The following SSBP3 variants were observed in gnomAD, a reference collection of about 807,000 sequenced individuals.
SSBP3 encodes single stranded DNA binding protein 3, also known as single-stranded DNA-binding protein 3.
Under a neutral mutation model 69.6 loss-of-function variants are expected in SSBP3, and 5 were observed. The ratio of observed to expected loss-of-function variants is 0.07; its 90% CI spans 0.04 to 0.15. The LOEUF is 0.15. SSBP3 is among the 10% of genes least tolerant of loss of function. SSBP3 has a pLI of 1.00. For missense variants in SSBP3, 312 were observed against 534.0 expected (o/e 0.58, Z 4.10); for synonymous variants, 196 against 193.4 (o/e 1.01, Z -0.11).
chr1:54,338,942 G>C (rs1646558989), intron 4 of SSBP3, among the ~76,000 whole-genome samples: 1 of 152,152 alleles, frequency 6.6e-6, no homozygotes, highest in Non-Finnish European at 1.5e-5. Flanking sequence ...TCCCCAAATA[G>C]GATGCACGAG....
intron 4 of SSBP3, among the ~76,000 whole-genome samples, chr1:54,336,877 C>G (rs965243586): frequency 2.6e-5 from 4 of 152,200 alleles, no homozygotes; most frequent in Non-Finnish European, 4.4e-5. Context: ...AGCCAGCTCC[C>G]CAAGGACAGG....
intron 4 of SSBP3, among the ~76,000 whole-genome samples, chr1:54,327,862 G>C (rs10888846): frequency 0.29 from 44,022 of 152,024 alleles, 9,412 homozygotes; most frequent in African/African-American, 0.58. Flanking sequence ...TCCCAGGCAC[G>C]CTCTAGCTGG....
At chr1:54,369,222 G>GGA (rs1553146722) in intron 4 of SSBP3, among the ~76,000 whole-genome samples, 3 of 150,892 alleles carry the variant, frequency 2.0e-5, no homozygotes, top group Non-Finnish European at 4.4e-5. Flanking sequence ...TTGAGTCGGG[G>GGA]GGGGGGCCCA....
At chr1:54,284,103 CTTTTTTT>C (rs5774181) in intron 4 of SSBP3, among the ~76,000 whole-genome samples, 16 of 87,614 alleles carry the variant, frequency 1.8e-4, no homozygotes, top group East Asian at 5.6e-4. Flanking sequence ...TATTTAACCA[CTTTTTTT>C]TTTTTTTTTT....
intron 1 of SSBP3, 150 bp downstream of exon 1, chr1:54,405,803 C>T (rs1311337302): frequency 5.4e-6 from 2 of 373,346 alleles, no homozygotes; most frequent in South Asian, 1.1e-4. Flanking sequence ...GCCGCGGCCT[C>T]GGGGAAGGGG....
At chr1:54,380,624 G>A (rs3795356) in intron 4 of SSBP3, among the ~76,000 whole-genome samples, 14,530 of 152,234 alleles carry the variant, frequency 0.095, 948 homozygotes, top group East Asian at 0.28. Flanking sequence ...CCAGGACCCC[G>A]GCTCTCACCT....
intron 5 of SSBP3, among the ~76,000 whole-genome samples, chr1:54,260,759 C>T (rs1362562765): frequency 6.6e-6 from 1 of 152,260 alleles, no homozygotes; most frequent in Admixed American, 6.5e-5. Flanking sequence ...TCATGGGGAA[C>T]AAGCTGTTAA....
At chr1:54,412,565 A>C (rs1650019976) in intron 1 of SSBP3, 1 of 152,180 alleles carries the variant, frequency 6.6e-6, no homozygotes, top group African/African-American at 2.4e-5. Flanking sequence ...GTTAGCGTTT[A>C]ATGATAATAG....
At chr1:54,334,223 G>A (rs1469942778) in intron 4 of SSBP3, among the ~76,000 whole-genome samples, 11 of 151,784 alleles carry the variant, frequency 7.2e-5, no homozygotes, top group Admixed American at 5.9e-4. Flanking sequence ...GTGGTGGTGC[G>A]TGCCTGTAGT....
intron 5 of SSBP3, among the ~76,000 whole-genome samples, chr1:54,267,308 A>G (rs1482661479): frequency 6.6e-6 from 1 of 152,178 alleles, no homozygotes; most frequent in Non-Finnish European, 1.5e-5. Flanking sequence ...TCCATAACAT[A>G]TGTGCAGAGC....
intron 4 of SSBP3, among the ~76,000 whole-genome samples, chr1:54,377,748 GA>G (rs1647296163): frequency 6.6e-6 from 1 of 152,188 alleles, no homozygotes; most frequent in South Asian, 2.1e-4. Flanking sequence ...GAGTGTTGGT[GA>G]TACGTCCTAG....
chr1:54,408,275 A>G (rs1395293094), upstream of SSBP3, among the ~76,000 whole-genome samples: 1 of 152,208 alleles, frequency 6.6e-6, no homozygotes, highest in Non-Finnish European at 1.5e-5. Flanking sequence ...ATACAAGGAT[A>G]GGGGAGAGAA....
intron 15 of SSBP3, 99 bp downstream of exon 15, chr1:54,228,649 C>T (rs940083290): frequency 1.3e-4 from 195 of 1,483,292 alleles, no homozygotes; most frequent in Non-Finnish European, 1.6e-4. Flanking sequence ...CAGCCAAGGC[C>T]GGCCAGGGCT....
intron 4 of SSBP3, among the ~76,000 whole-genome samples, chr1:54,378,412 C>T (rs1352273301): frequency 1.3e-5 from 2 of 152,192 alleles, no homozygotes; most frequent in African/African-American, 4.8e-5. Flanking sequence ...ACAAAGAACT[C>T]CAAACCACTC....
rs1209629560 is a variant in SSBP3, at chr1:54,241,020, C to T, written c.802-61G>A. 1.4e-5 allele frequency: 22 copies of T among 1,539,578 alleles called. No homozygotes were observed. The East Asian group carries it at 2.8e-4, about 20-fold the overall frequency. On this transcript the variant is annotated intron_variant, in intron 12 of 17. Coordinates refer to ENST00000610401, the Ensembl canonical transcript of SSBP3. ...GGTGGTAACGAACATGGGGAGGGGC[C>T]GGCATCCTCCCTCCCTGGTCAGCAG...
At chr1:54,250,499 C>CGGATTCTGGG in intron 9 of SSBP3, among the ~76,000 whole-genome samples, 2 of 149,236 alleles carry the variant, frequency 1.3e-5, no homozygotes, top group African/African-American at 4.9e-5. Flanking sequence ...TTCTGTGGGG[C>CGGATTCTGGG]AGACGCCTCT....
upstream of SSBP3, among the ~76,000 whole-genome samples, chr1:54,410,541 A>T (rs998457232): frequency 1.3e-5 from 2 of 152,190 alleles, no homozygotes; most frequent in African/African-American, 2.4e-5. Flanking sequence ...TGCACCCGGC[A>T]CGCTCAGTCC....
chr1:54,294,151 AAAAAAAAAAAAGAAAGAAAG>A lies in SSBP3; in HGVS notation c.277-12644_277-12625del, dbSNP rs1182814925. Among the ~76,000 whole-genome samples the A allele has an allele frequency of 2.2e-3, 218 of 99,880 alleles. 3 individuals are homozygous for A. Among genetic ancestry groups the A allele is most frequent in the Middle Eastern group, 4.3e-3 (1 of 230 alleles). 65.5% of individuals were successfully genotyped at this position (99,880 alleles called of 152,430 possible). A position where few individuals can be genotyped will look rare whatever the true frequency, so the allele number is the denominator to read the frequency against. On this transcript the variant is annotated intron_variant, in intron 4 of 17. Coordinates refer to ENST00000610401, the Ensembl canonical transcript of SSBP3. ...GAGTGAGACTCCATCTCAAAAAAAA[AAAAAAAAAAAAGAAAGAAAG>A]AAAGAAAGAAAGAAAGAAAGAAAAG...
At chr1:54,294,299 A>T (rs1374310212) in intron 4 of SSBP3, among the ~76,000 whole-genome samples, 1 of 152,124 alleles carries the variant, frequency 6.6e-6, no homozygotes, top group Non-Finnish European at 1.5e-5. Context: ...ATTTGGCTAC[A>T]TCCTAACAAC....
Sources: allele counts gnomAD v4.1 joint callset (sites outside exome capture counted in the v4.1 genomes callset), GRCh38; gene constraint gnomAD v4.1.1; transcripts MANE v1.5; gene names NCBI Gene and HGNC (gene_info 2026-07-23, HGNC 2026-07-21).